Variants in APBB2 observed in about 807,000 individuals in gnomAD.
The protein encoded by APBB2 is Fe65-like 1.
In APBB2, 38 loss-of-function variants were observed where a neutral mutation model predicts 82.5. That is an observed-to-expected ratio of 0.46 (90% CI 0.36 to 0.60). The LOEUF is 0.60. Ranked by LOEUF, APBB2 falls within the 20% of genes least tolerant of loss-of-function variation. APBB2 has a pLI of 0.00. For synonymous variants in APBB2, 341 were observed against 368.2 expected (o/e 0.93, Z 0.85); for missense variants, 772 against 972.3 (o/e 0.79, Z 2.74).
At chr4:41,020,991 A>C (rs1055671951) in intron 5 of APBB2, among the ~76,000 whole-genome samples, 1 of 152,178 alleles carries the variant, frequency 6.6e-6, no homozygotes, top group Admixed American at 6.5e-5. Context: ...CTCTTATACC[A>C]ACCTCTGGAG....
At chr4:40,825,542 G>A (rs543950330) in intron 15 of APBB2, among the ~76,000 whole-genome samples, 3 of 152,350 alleles carry the variant, frequency 2.0e-5, no homozygotes, top group Admixed American at 6.5e-5. Flanking sequence ...GACAAGACAC[G>A]AAGCAGGTGC....
intron 3 of APBB2, among the ~76,000 whole-genome samples, chr4:41,071,022 C>T (rs1733686769): frequency 6.6e-6 from 1 of 152,220 alleles, no homozygotes; most frequent in African/African-American, 2.4e-5. Context: ...TCAACAAATA[C>T]ATTAATGCTT....
At chr4:41,044,519 T>C (rs932255459) in intron 4 of APBB2, among the ~76,000 whole-genome samples, 3 of 152,204 alleles carry the variant, frequency 2.0e-5, no homozygotes, top group African/African-American at 7.2e-5. Context: ...GAAGGTTCCT[T>C]AGGAGGAGCT....
intron 2 of APBB2, among the ~76,000 whole-genome samples, chr4:41,101,380 C>T (rs993225734): frequency 1.4e-5 from 2 of 140,344 alleles, no homozygotes; most frequent in Non-Finnish European, 3.0e-5. Context: ...AGGAGAATGG[C>T]GTGAACCCGG....
At chr4:40,940,110 G>C (rs1786454245) in intron 7 of APBB2, among the ~76,000 whole-genome samples, 1 of 152,138 alleles carries the variant, frequency 6.6e-6, no homozygotes, top group Non-Finnish European at 1.5e-5. Context: ...AGGAGAACAG[G>C]TCCCGGCCAC....
chr4:41,003,176 T>C (rs1331502655), intron 6 of APBB2, among the ~76,000 whole-genome samples: 3 of 152,204 alleles, frequency 2.0e-5, no homozygotes, highest in Non-Finnish European at 4.4e-5. Context: ...TCAGTTGAGG[T>C]TGTAGTTTCG....
chr4:41,040,634 A>ATT (rs774906218), intron 4 of APBB2, among the ~76,000 whole-genome samples: 39 of 152,286 alleles, frequency 2.6e-4, no homozygotes, highest in Non-Finnish European at 5.0e-4. Context: ...GCTCAAAATC[A>ATT]TTACACCATG....
chr4:41,105,481 T>C (rs1486551824), intron 2 of APBB2, among the ~76,000 whole-genome samples: 1 of 152,088 alleles, frequency 6.6e-6, no homozygotes, highest in African/African-American at 2.4e-5. Context: ...CCTCAGAGAC[T>C]CTATCATTAT....
At chr4:40,901,942 T>TGA (rs1560840068) in intron 10 of APBB2, among the ~76,000 whole-genome samples, 2 of 148,992 alleles carry the variant, frequency 1.3e-5, no homozygotes, top group South Asian at 4.3e-4. Flanking sequence ...TGTGTGTGTG[T>TGA]GATGGAAAGA....
At chr4:40,990,073 C>T (rs1801589861) in intron 6 of APBB2, 1 of 152,214 alleles carries the variant, frequency 6.6e-6, no homozygotes, top group Admixed American at 6.5e-5. Flanking sequence ...ACCCAAGTGT[C>T]CATCCATAGA....
chr4:40,865,999 T>G (rs1337537221), intron 12 of APBB2, among the ~76,000 whole-genome samples: 1 of 152,226 alleles, frequency 6.6e-6, no homozygotes, highest in Non-Finnish European at 1.5e-5. Context: ...TTTCTTACTT[T>G]GCTGTTGCGA....
Position 40,826,723 on chromosome 4 carries a change from G to T in APBB2, c.1732+409C>A. Reference sequence around the variant, plus strand: ...GCACAAGGAGGTCGATCTGTAACTGGCTGAACCATCAACTGAGGTAACTCA... The same window carrying T: ...GCACAAGGAGGTCGATCTGTAACTGTCTGAACCATCAACTGAGGTAACTCA... On this transcript the variant is annotated intron_variant, in intron 14 of 17. Coordinates refer to ENST00000508593, the MANE Select transcript of APBB2 (RefSeq NM_004307.2). This position sits in a 1 kb window ranked among gnomAD's most constrained non-coding sequence, Gnocchi z 4.5. The T allele has an allele frequency of 5.9e-6, 1 of 170,858 alleles. No individual in the cohort carries two copies. Among genetic ancestry groups the T allele is most frequent in the Non-Finnish European group, 1.3e-5 (1 of 79,874 alleles). 10.6% of individuals were successfully genotyped at this position (170,858 alleles called of 1,614,324 possible).
chr4:40,969,956 A>G (rs1029626171), intron 6 of APBB2, among the ~76,000 whole-genome samples: 5 of 152,250 alleles, frequency 3.3e-5, no homozygotes, highest in African/African-American at 1.2e-4. Context: ...TAAGTGCTGT[A>G]TAACAGCCCT....
At chr4:40,853,588 T>C (rs1414912819) in intron 12 of APBB2, among the ~76,000 whole-genome samples, 2 of 152,142 alleles carry the variant, frequency 1.3e-5, no homozygotes, top group Non-Finnish European at 2.9e-5. Context: ...CAGCTGGGAT[T>C]ACAGGCACGC....
chr4:41,025,798 A>C (rs1338841768), intron 5 of APBB2, among the ~76,000 whole-genome samples: 1 of 148,862 alleles, frequency 6.7e-6, no homozygotes, highest in Non-Finnish European at 1.5e-5. Context: ...AGATGCCTAT[A>C]ATCCCAGCTA....
chr4:41,187,964 A>G (rs1773362964), intron 1 of APBB2, among the ~76,000 whole-genome samples: 1 of 152,240 alleles, frequency 6.6e-6, no homozygotes, highest in Non-Finnish European at 1.5e-5. Context: ...CCTCAATAGC[A>G]TGAAAAATCA....
intron 1 of APBB2, among the ~76,000 whole-genome samples, chr4:41,156,005 A>G (rs923464947): frequency 1.4e-5 from 2 of 140,446 alleles, no homozygotes; most frequent in Non-Finnish European, 3.1e-5. Flanking sequence ...CACAAGTATT[A>G]TAACAACATT....
intron 12 of APBB2, chr4:40,881,534 C>CT (rs71198611): frequency 0.012 from 1,818 of 145,826 alleles, 7 homozygotes; most frequent in Middle Eastern, 0.027. Flanking sequence ...TTTTCTTTTT[C>CT]TTTTTTTTTT....
At chr4:40,824,114 T>C (rs1749018358) in intron 15 of APBB2, among the ~76,000 whole-genome samples, 1 of 151,712 alleles carries the variant, frequency 6.6e-6, no homozygotes, top group South Asian at 2.1e-4. Flanking sequence ...ATCGCACCAC[T>C]GCACTCCAGC....
Sources: allele counts gnomAD v4.1 joint callset (sites outside exome capture counted in the v4.1 genomes callset), GRCh38; gene constraint gnomAD v4.1.1; non-coding constraint Gnocchi (gnomAD v3.1); transcripts MANE v1.5; gene names NCBI Gene and HGNC (gene_info 2026-07-23, HGNC 2026-07-21).